Variants in MCC observed in about 807,000 individuals in gnomAD.
MCC encodes colorectal mutant cancer protein.
A neutral mutation model predicts 116.2 loss-of-function variants in MCC; 90 were observed. The observed-to-expected ratio is 0.77, with a 90% CI of 0.65 to 0.92. The LOEUF (loss-of-function observed/expected upper bound fraction) is 0.92. MCC is among the 40% of genes least tolerant of loss of function. The probability of loss-of-function intolerance (pLI) is 0.00; values close to 1 mark genes in which losing one functional copy is unlikely to be tolerated. For missense variants in MCC, 1,516 were observed against 1,312.2 expected, an observed-to-expected ratio of 1.16 and a Z score of -2.40; for synonymous variants, 578 against 510.5, an observed-to-expected ratio of 1.13 and a Z score of -1.78.
rs1281228171 is a variant in MCC, at chr5:113,023,466, T to A, written c.*3836A>T. 2 of 152,366 alleles carry A rather than the reference T, an allele frequency of 1.3e-5. No individual in the cohort carries two copies. The highest frequency in any genetic ancestry group is 1.9e-4 in the East Asian group (1 of 5,186). 9.4% of individuals were successfully genotyped at this position (152,366 alleles called of 1,614,324 possible). On this transcript the variant is annotated 3_prime_UTR_variant, in exon 19 of 19. Transcript: ENST00000408903. ...GCCATCACCTTCTGCAGAAAAAAAA[T>A]GTTACTTATGCTCCACCTCCCCAGC...
chr5:113,070,404 A>G (rs1753956592), intron 12 of MCC, among the ~76,000 whole-genome samples: 1 of 152,204 alleles, frequency 6.6e-6, no homozygotes, highest in African/African-American at 2.4e-5. Context: ...GCAGAAAAAA[A>G]AAAGTGGCCC....
intron 17 of MCC, among the ~76,000 whole-genome samples, chr5:113,036,863 G>A (rs1277461019): frequency 2.0e-5 from 3 of 152,176 alleles, no homozygotes; most frequent in African/African-American, 7.2e-5. Context: ...CACCCTCTGT[G>A]CTTCTAGGCA....
intron 1 of MCC, among the ~76,000 whole-genome samples, chr5:113,423,472 C>T (rs1400073300): frequency 2.0e-5 from 3 of 152,146 alleles, no homozygotes; most frequent in East Asian, 1.9e-4. Flanking sequence ...TCAATATTTA[C>T]GAATTCAGTG....
At chr5:113,396,995 G>C (rs7708084) in intron 1 of MCC, among the ~76,000 whole-genome samples, 1 of 151,884 alleles carries the variant, frequency 6.6e-6, no homozygotes, top group South Asian at 2.1e-4. Flanking sequence ...TTCTACAATT[G>C]AAAATGGAGT....
intron 3 of MCC, among the ~76,000 whole-genome samples, chr5:113,198,812 G>A (rs889732679): frequency 6.6e-6 from 1 of 152,102 alleles, no homozygotes; most frequent in Non-Finnish European, 1.5e-5. Flanking sequence ...GCTGGGCTGG[G>A]TTGGGAGGCG....
chr5:113,043,421 A>T, intron 17 of MCC, 109 bp downstream of exon 17: 2 of 995,904 alleles, frequency 2.0e-6, no homozygotes, highest in Non-Finnish European at 3.1e-6. Flanking sequence ...AGACATGGGT[A>T]AAGTGGAACA....
chr5:113,251,652 T>C (rs1170214083), intron 3 of MCC, among the ~76,000 whole-genome samples: 1 of 152,228 alleles, frequency 6.6e-6, no homozygotes, highest in East Asian at 1.9e-4. Context: ...TTGCCAGATC[T>C]TCTGACTTCT....
chr5:113,213,719 G>A (rs1401072105), intron 3 of MCC, among the ~76,000 whole-genome samples: 2 of 152,120 alleles, frequency 1.3e-5, no homozygotes, highest in African/African-American at 2.4e-5. Context: ...GAAGCTGCCT[G>A]CCTAAAAAGT....
chr5:113,438,475 A>G (rs1770931491), intron 1 of MCC, among the ~76,000 whole-genome samples: 1 of 152,220 alleles, frequency 6.6e-6, no homozygotes, highest in Non-Finnish European at 1.5e-5. Flanking sequence ...CAGAGGCAAT[A>G]GGAAAAGTAT....
At chr5:113,470,573 C>G (rs1409203416) in intron 1 of MCC, among the ~76,000 whole-genome samples, 4 of 152,152 alleles carry the variant, frequency 2.6e-5, no homozygotes, top group Non-Finnish European at 5.9e-5. Flanking sequence ...ATGGGCTTCC[C>G]TTTGTGGGTA....
intron 14 of MCC, among the ~76,000 whole-genome samples, chr5:113,059,423 G>A (rs896930942): frequency 1.3e-5 from 2 of 152,198 alleles, no homozygotes; most frequent in Non-Finnish European, 2.9e-5. Context: ...CACAGACAAA[G>A]GCGCTGGCGG....
intron 5 of MCC, among the ~76,000 whole-genome samples, chr5:113,132,443 TACACACACACACACACACACACACAC>T (rs140363649): frequency 5.5e-5 from 2 of 36,550 alleles, no homozygotes; most frequent in South Asian, 1.4e-3. Flanking sequence ...TATATATATA[TACACACACACACACACACACACACAC>T]ACACACACAT....
intron 3 of MCC, among the ~76,000 whole-genome samples, chr5:113,157,505 A>G (rs902574596): frequency 2.6e-5 from 4 of 152,184 alleles, no homozygotes; most frequent in African/African-American, 9.6e-5. Flanking sequence ...CCCTATCTAG[A>G]TACATGCACC....
At chr5:113,064,747 T>G (rs1020227595) in intron 13 of MCC, among the ~76,000 whole-genome samples, 4 of 152,190 alleles carry the variant, frequency 2.6e-5, no homozygotes, top group African/African-American at 7.2e-5. Context: ...TGAACTCAAA[T>G]GCCTCCAGGA....
chr5:113,386,754 C>CATAT lies in MCC; in HGVS notation c.171-1546_171-1543dup, dbSNP rs10673164. ...TGTGTGTCTGTGTCCATATGTATAT[C>CATAT]ATATATATATATATATATATGCCTC... is the stretch of plus-strand genomic sequence containing the variant. On this transcript the variant is annotated intron_variant, in intron 1 of 18. Coordinates refer to ENST00000408903, the MANE Select transcript of MCC (RefSeq NM_001085377.2). Among the ~76,000 whole-genome samples, 723 of 141,080 alleles carry CATAT rather than the reference C, an allele frequency of 5.1e-3. 8 individuals are homozygous for CATAT. The highest frequency in any genetic ancestry group is 0.018 in the Middle Eastern group (5 of 282). 92.6% of individuals were successfully genotyped at this position (141,080 alleles called of 152,430 possible).
chr5:113,152,784 C>T (rs1178111395), intron 3 of MCC, among the ~76,000 whole-genome samples: 1 of 151,982 alleles, frequency 6.6e-6, no homozygotes, highest in Non-Finnish European at 1.5e-5. Context: ...TTCACTTAAT[C>T]GCATCGGAGC....
At chr5:113,203,234 T>TA (rs1165930350) in intron 3 of MCC, 2 of 152,348 alleles carry the variant, frequency 1.3e-5, no homozygotes, top group African/African-American at 4.8e-5. Flanking sequence ...CTTGTGCTCC[T>TA]ACCTTGACAT....
chr5:113,152,354 C>T (rs1259878224), intron 3 of MCC, among the ~76,000 whole-genome samples: 1 of 152,216 alleles, frequency 6.6e-6, no homozygotes, highest in East Asian at 1.9e-4. Flanking sequence ...CCCAAAGCAA[C>T]ACCCTGAAAC....
At chr5:113,063,089 A>AT (rs1419245572) in intron 14 of MCC, among the ~76,000 whole-genome samples, 1 of 152,208 alleles carries the variant, frequency 6.6e-6, no homozygotes, top group Non-Finnish European at 1.5e-5. Flanking sequence ...GGTCACTGAC[A>AT]TTATCTCTGA....
Sources: gnomAD v4.1 joint callset for allele counts (sites outside exome capture counted in the v4.1 genomes callset) on GRCh38, gnomAD v4.1.1 for gene constraint, MANE v1.5 for transcripts, NCBI Gene and HGNC (gene_info 2026-07-23, HGNC 2026-07-21) for gene names.